The following UNC13B variants were observed in gnomAD, a reference collection of about 807,000 sequenced individuals.
UNC13B encodes the protein protein unc-13 homolog B.
A neutral mutation model predicts 211.0 loss-of-function variants in UNC13B; 144 were observed. The observed-to-expected ratio is 0.68, with a 90% CI of 0.60 to 0.78. The LOEUF (loss-of-function observed/expected upper bound fraction) is 0.78, where lower values mean the gene tolerates loss of function less well. UNC13B is among the 30% of genes least tolerant of loss of function. The probability of loss-of-function intolerance (pLI) is 0.00; values close to 1 mark genes in which losing one functional copy is unlikely to be tolerated. For synonymous variants in UNC13B, 709 were observed against 725.8 expected, an observed-to-expected ratio of 0.98 and a Z score of 0.37; for missense variants, 1,777 against 2,002.0, an observed-to-expected ratio of 0.89 and a Z score of 2.14.
In UNC13B at chr9:35,349,940, GA is replaced by G. The variant is rs1015721865; in HGVS notation, c.9415-17003del. Among the ~76,000 whole-genome samples the G allele has an allele frequency of 1.1e-4, 17 of 152,254 alleles. 2 individuals carry two copies. The highest frequency in any genetic ancestry group is 9.2e-4 in the Admixed American group (14 of 15,294). On this transcript the variant is annotated intron_variant, in intron 11 of 39. Transcript: ENST00000635942. ...CTTTTAGGATTAACTTGAGTACTGGGAAAATAAAAGGAGGCAGAGTTTAGAA... is the reference window on the plus strand; with the variant it reads ...CTTTTAGGATTAACTTGAGTACTGGGAAATAAAAGGAGGCAGAGTTTAGAA...
At position 35,302,758 on chromosome 9, in the gene UNC13B, T is replaced by C. The variant is rs558365092; in HGVS notation, c.3354T>C (p.Ser1118=). ...VASDSSLECI[S]TTSKSTLVNE... Reference sequence around the variant, plus strand: ...CAGACTCTTCATTAGAGTGTATTTCTACCACTTCCAAATCCACTTTGGTTA... The same window carrying C: ...CAGACTCTTCATTAGAGTGTATTTCCACCACTTCCAAATCCACTTTGGTTA... Residue 1118 remains serine, a synonymous_variant, in exon 9 of 40, where the codon TCT becomes TCC. Transcript: ENST00000635942. 176 of 398,694 alleles carry C rather than the reference T, an allele frequency of 4.4e-4. No individual in the cohort carries two copies. The highest frequency in any genetic ancestry group is 3.3e-3 in the African/African-American group (162 of 48,748). 24.7% of individuals were successfully genotyped at this position (398,694 alleles called of 1,614,324 possible). A position where few individuals can be genotyped will look rare whatever the true frequency, so the allele number is the denominator to read the frequency against.
chr9:35,224,005 T>C (rs12380271), intron 1 of UNC13B, among the ~76,000 whole-genome samples: 3,829 of 152,266 alleles, frequency 0.025, 74 homozygotes, highest in South Asian at 0.042. Context: ...TTCCATTGGC[T>C]TGTGTCTCAG....
In UNC13B at chr9:35,376,168, GC is replaced by G; in HGVS notation, c.9757del (p.Gln3253ArgfsTer48). 6.2e-7 allele frequency: 1 copy of G among 1,614,154 alleles called. No homozygotes were observed. Among genetic ancestry groups the G allele is most frequent in the Non-Finnish European group, 8.5e-7 (1 of 1,180,038 alleles). The stretch of plus-strand genomic sequence containing the variant: ...AAGGCCTGCTCTGGGGCATTGCCCG[GC>G]AGGGCATGCGCTGCAGCGAATGTGG... The part of the protein sequence containing the change: ...CEGLLWGIAR[Q>X]GMRCSECGVK... On this transcript the variant is annotated frameshift_variant, in exon 15 of 40. Transcript: ENST00000635942. LOFTEE classifies it high-confidence loss of function.
intron 11 of UNC13B, among the ~76,000 whole-genome samples, chr9:35,344,868 A>G (rs1487584282): frequency 1.3e-5 from 2 of 152,156 alleles, no homozygotes; most frequent in African/African-American, 4.8e-5. Context: ...CTTTTATTCA[A>G]TGACAGGGTT....
At chr9:35,172,767 C>CTT (rs1037479564) in intron 1 of UNC13B, among the ~76,000 whole-genome samples, 15 of 149,038 alleles carry the variant, frequency 1.0e-4, no homozygotes, top group African/African-American at 3.7e-4. Flanking sequence ...ATCATGAAAT[C>CTT]TTTTTTTTTT....
chr9:35,381,338 C>G, intron 19 of UNC13B, 123 bp downstream of exon 19: 1 of 1,011,040 alleles, frequency 9.9e-7, no homozygotes. Context: ...TTGATTCACT[C>G]TGTTACCCTG....
At chr9:35,205,268 C>T (rs958520944) in intron 1 of UNC13B, among the ~76,000 whole-genome samples, 4 of 152,038 alleles carry the variant, frequency 2.6e-5, no homozygotes, top group African/African-American at 9.7e-5. Context: ...TTAAATAAAT[C>T]ACCACGTTTC....
rs541532257 is a variant in UNC13B, at chr9:35,363,128, A to G, written c.9415-3819A>G. Among the ~76,000 whole-genome samples, 10 of 152,334 alleles carry G rather than the reference A, an allele frequency of 6.6e-5. No individual in the cohort carries two copies. The South Asian group carries it at 2.1e-3, about 32-fold the overall frequency. ...CAAGACAATTAGATTGTAGGAATGT[A>G]TATGGGGTCAAGAAAGAGGGCAGAG... On this transcript the variant is annotated intron_variant, in intron 11 of 39. Transcript: ENST00000635942.
chr9:35,375,531 A>G (rs1418317911), intron 14 of UNC13B, among the ~76,000 whole-genome samples: 1 of 152,202 alleles, frequency 6.6e-6, no homozygotes, highest in East Asian at 1.9e-4. Context: ...CCTGTGTTGG[A>G]CAACCAGAAG....
chr9:35,352,042 T>A (rs1564157189), intron 11 of UNC13B: 6 of 1,232,016 alleles, frequency 4.9e-6, no homozygotes, highest in Non-Finnish European at 6.1e-6. Context: ...AAGTCCAGGG[T>A]TCCGTGGATG....
intron 11 of UNC13B, among the ~76,000 whole-genome samples, chr9:35,340,711 GGGAGTCAGAAGAGGAAT>G (rs1316123706): frequency 6.6e-6 from 1 of 152,152 alleles, no homozygotes; most frequent in East Asian, 1.9e-4. Context: ...TCAAGCTCAG[GGGAGTCAGAAGAGGAAT>G]GACTTCACTG....
At chr9:35,291,245 C>A in intron 7 of UNC13B, 1 of 833,052 alleles carries the variant, frequency 1.2e-6, no homozygotes. Flanking sequence ...GAGACAATGA[C>A]CTGTGGTGGA....
chr9:35,386,443 T>TGGTG (rs1835198137), intron 24 of UNC13B, 150 bp downstream of exon 24: 1 of 1,077,916 alleles, frequency 9.3e-7, no homozygotes, highest in Admixed American at 2.7e-5. Context: ...ATGTGGACCA[T>TGGTG]GTGAGATATG....
Position 35,405,331 on chromosome 9 carries a change from T to A in UNC13B, c.*1298T>A, listed in dbSNP as rs1169015857. Reference sequence around the variant, plus strand: ...GGCTAGTCTGTAATAAATTATCTTATAGCAGCCTTTGGGGTTTGGTAATTC... The same window carrying A: ...GGCTAGTCTGTAATAAATTATCTTAAAGCAGCCTTTGGGGTTTGGTAATTC... On this transcript the variant is annotated 3_prime_UTR_variant, in exon 40 of 40. Transcript: ENST00000635942. The A allele has an allele frequency of 6.6e-6, 1 of 152,658 alleles. No individual in the cohort carries two copies. The highest frequency in any genetic ancestry group is 1.5e-5 in the Non-Finnish European group (1 of 68,042). 9.5% of individuals were successfully genotyped at this position (152,658 alleles called of 1,614,324 possible).
At position 35,307,738 on chromosome 9, in the gene UNC13B, C is replaced by T. The variant is rs1402201673; in HGVS notation, c.8334C>T (p.Ser2778=). The T allele has an allele frequency of 2.5e-6, 1 of 398,928 alleles. No homozygotes were observed. The highest frequency in any genetic ancestry group is 4.4e-6 in the Non-Finnish European group (1 of 226,110). The allele number at this position is 398,928 out of a possible 1,614,324, so 24.7% of individuals were successfully genotyped here. A position where few individuals can be genotyped will look rare whatever the true frequency, so the allele number is the denominator to read the frequency against. ...VTTWPKLRLP[S]SATNHGKPLS... is the part of the protein sequence containing the mutation. ...CTTGGCCAAAGCTTCGTTTGCCATCCTCTGCTACTAACCATGGGAAACCAC... is the reference window on the plus strand; with the variant it reads ...CTTGGCCAAAGCTTCGTTTGCCATCTTCTGCTACTAACCATGGGAAACCAC... Residue 2778 remains serine, a synonymous_variant, in exon 9 of 40, where the codon TCC becomes TCT. Transcript: ENST00000635942.
intron 11 of UNC13B, among the ~76,000 whole-genome samples, chr9:35,329,040 G>A (rs964965782): frequency 3.3e-5 from 5 of 151,828 alleles, no homozygotes; most frequent in African/African-American, 9.7e-5. Context: ...CAAAGTGCTG[G>A]GATTACATGC....
intron 8 of UNC13B, among the ~76,000 whole-genome samples, chr9:35,298,866 G>A (rs1262979347): frequency 1.3e-5 from 2 of 152,152 alleles, no homozygotes; most frequent in Admixed American, 6.5e-5. Context: ...GCTATAATCA[G>A]TATAGGGAAA....
chr9:35,203,087 C>T (rs1416933028), intron 1 of UNC13B, among the ~76,000 whole-genome samples: 6 of 152,132 alleles, frequency 3.9e-5, no homozygotes, highest in African/African-American at 9.7e-5. Flanking sequence ...CCACCATGCC[C>T]GGCCGGGTCT....
intron 11 of UNC13B, among the ~76,000 whole-genome samples, chr9:35,328,397 G>T (rs1263925746): frequency 6.6e-6 from 1 of 152,146 alleles, no homozygotes; most frequent in Non-Finnish European, 1.5e-5. Context: ...GAGCAGAGCT[G>T]CCAGAAGGAT....
Sources: allele counts gnomAD v4.1 joint callset (sites outside exome capture counted in the v4.1 genomes callset), GRCh38; gene constraint gnomAD v4.1.1; transcripts MANE v1.5; gene names NCBI Gene and HGNC (gene_info 2026-07-23, HGNC 2026-07-21).